ANKFN1: variants seen among roughly 807,000 people sequenced by gnomAD.
ANKFN1 encodes ankyrin repeat and fibronectin type III domain containing 1, also known as ankyrin repeat and fibronectin type-III domain-containing protein 1.
A neutral mutation model predicts 108.7 loss-of-function variants in ANKFN1; 74 were observed. The ratio of observed to expected loss-of-function variants is 0.68; its 90% CI spans 0.56 to 0.83. The LOEUF (loss-of-function observed/expected upper bound fraction) is 0.83. Ranked by LOEUF, ANKFN1 falls within the 40% of genes least tolerant of loss-of-function variation. The pLI, the probability that ANKFN1 is intolerant of heterozygous loss-of-function variation, is 0.00. For missense variants in ANKFN1, 1,505 were observed against 1,382.3 expected (o/e 1.09, Z -1.41); for synonymous variants, 547 against 516.2 (o/e 1.06, Z -0.81).
Position 56,353,823 on chromosome 17 carries a change from T to C in ANKFN1, c.391-13T>C. The C allele has an allele frequency of 6.2e-7, 1 of 1,613,440 alleles. No individual in the cohort carries two copies. The highest frequency in any genetic ancestry group is 8.5e-7 in the Non-Finnish European group (1 of 1,179,562). ...TTAAGAAATTGTGCTGATCTACTTTTGCTCCTCTCTAGAATTTCCAGGGCA... is the reference window on the plus strand; with the variant it reads ...TTAAGAAATTGTGCTGATCTACTTTCGCTCCTCTCTAGAATTTCCAGGGCA... On this transcript the variant is annotated splice_polypyrimidine_tract_variant and intron_variant, in intron 5 of 20. Coordinates refer to ENST00000682825, the MANE Select transcript of ANKFN1 (RefSeq NM_001370326.1).
intron 6 of ANKFN1, among the ~76,000 whole-genome samples, chr17:56,368,863 T>C (rs2046735477): frequency 6.6e-6 from 1 of 152,216 alleles, no homozygotes; most frequent in Non-Finnish European, 1.5e-5. Flanking sequence ...ATAAGAATTT[T>C]TTCCTTTTGT....
chr17:56,081,502 G>A (rs897262582), intron 4 of ANKFN1, among the ~76,000 whole-genome samples: 7 of 151,894 alleles, frequency 4.6e-5, no homozygotes, highest in African/African-American at 1.7e-4. Flanking sequence ...ACAGGCACCC[G>A]CCACCACGCC....
intron 3 of ANKFN1, among the ~76,000 whole-genome samples, chr17:56,263,393 T>G (rs1048023722): frequency 3.9e-5 from 6 of 152,228 alleles, no homozygotes; most frequent in Non-Finnish European, 7.3e-5. Flanking sequence ...GTTTAATGTA[T>G]GTACAATATA....
At chr17:56,369,125 A>G (rs1277547871) in intron 6 of ANKFN1, among the ~76,000 whole-genome samples, 2 of 152,190 alleles carry the variant, frequency 1.3e-5, no homozygotes, top group African/African-American at 4.8e-5. Flanking sequence ...AGCATGCTAC[A>G]GTTATTAATC....
At chr17:56,148,121 T>G (rs1235377632) in intron 4 of ANKFN1, among the ~76,000 whole-genome samples, 1 of 152,234 alleles carries the variant, frequency 6.6e-6, no homozygotes, top group Non-Finnish European at 1.5e-5. Flanking sequence ...TTTTTTCTTG[T>G]AGCTCTAAGA....
chr17:56,432,311 G>A (rs991228401), intron 8 of ANKFN1, among the ~76,000 whole-genome samples: 1 of 152,094 alleles, frequency 6.6e-6, no homozygotes, highest in South Asian at 2.1e-4. Flanking sequence ...AAGTAGAAGA[G>A]TTTGTCTGAG....
chr17:56,091,459 C>G (rs1004669688), intron 4 of ANKFN1, among the ~76,000 whole-genome samples: 1 of 147,798 alleles, frequency 6.8e-6, no homozygotes, highest in African/African-American at 2.5e-5. Context: ...CACACACACA[C>G]ACAGAGTTCA....
upstream of ANKFN1, chr17:56,153,380 C>A: frequency 2.6e-6 from 3 of 1,155,086 alleles, no homozygotes; most frequent in Non-Finnish European, 3.9e-6. Context: ...GTGGGAGAGG[C>A]AGCCATGCTC....
At chr17:56,370,105 C>T (rs377376677) in intron 6 of ANKFN1, among the ~76,000 whole-genome samples, 2 of 152,094 alleles carry the variant, frequency 1.3e-5, no homozygotes, top group African/African-American at 4.8e-5. Flanking sequence ...CTTCACCCAC[C>T]GTCACCACTA....
intron 7 of ANKFN1, among the ~76,000 whole-genome samples, chr17:56,373,925 CT>C (rs1240137030): frequency 6.6e-6 from 1 of 152,264 alleles, no homozygotes; most frequent in East Asian, 1.9e-4. Context: ...TTAAGCAATA[CT>C]AAAAGCCATC....
intron 4 of ANKFN1, among the ~76,000 whole-genome samples, chr17:56,328,286 G>A (rs1402819143): frequency 1.3e-5 from 2 of 152,130 alleles, no homozygotes; most frequent in African/African-American, 4.8e-5. Flanking sequence ...GGAATTAGCA[G>A]CTGCAAATGT....
intron 8 of ANKFN1, among the ~76,000 whole-genome samples, chr17:56,428,710 G>A (rs919190503): frequency 9.9e-5 from 15 of 152,004 alleles, no homozygotes; most frequent in East Asian, 1.9e-4. Flanking sequence ...TGATCCACCC[G>A]CCTCAGCCTC....
chr17:56,402,765 T>C (rs998112809), intron 8 of ANKFN1, among the ~76,000 whole-genome samples: 2 of 152,142 alleles, frequency 1.3e-5, no homozygotes, highest in African/African-American at 4.8e-5. Flanking sequence ...GGTTTGTTCT[T>C]GTTTCTCTAG....
intron 8 of ANKFN1, among the ~76,000 whole-genome samples, chr17:56,389,317 C>T (rs1389530333): frequency 3.9e-5 from 6 of 152,186 alleles, no homozygotes; most frequent in African/African-American, 1.4e-4. Flanking sequence ...AGTCTAAATG[C>T]TGCACAATTC....
At chr17:56,383,717 C>G (rs2047173859) in intron 8 of ANKFN1, among the ~76,000 whole-genome samples, 1 of 152,180 alleles carries the variant, frequency 6.6e-6, no homozygotes, top group African/African-American at 2.4e-5. Context: ...TGCAAATAAA[C>G]TAGAAAATCC....
In ANKFN1 at chr17:56,480,666, A is replaced by G. The variant is rs2050662049; in HGVS notation, c.1941-2A>G. The G allele has an allele frequency of 6.2e-7, 1 of 1,613,652 alleles. No individual in the cohort carries two copies. The highest frequency in any genetic ancestry group is 8.5e-7 in the Non-Finnish European group (1 of 1,179,738). Reference sequence around the variant, plus strand: ...CTAATTTTAACTTGACTCAACATACAGAGAGGAATGGGAATGGATCCAAAA... The same window carrying G: ...CTAATTTTAACTTGACTCAACATACGGAGAGGAATGGGAATGGATCCAAAA... On this transcript the variant is annotated splice_acceptor_variant, in intron 16 of 20. Transcript: ENST00000682825. LOFTEE classifies it high-confidence loss of function.
chr17:56,215,683 A>G (rs752272558), intron 2 of ANKFN1: 1 of 152,256 alleles, frequency 6.6e-6, no homozygotes, highest in Non-Finnish European at 1.5e-5. Flanking sequence ...ATGGGCTTGC[A>G]CTCAGTGAAG....
chr17:56,172,588 G>A (rs559585554), intron 1 of ANKFN1, among the ~76,000 whole-genome samples: 1 of 152,140 alleles, frequency 6.6e-6, no homozygotes, highest in Non-Finnish European at 1.5e-5. Flanking sequence ...TTGGTCCCAA[G>A]AGCAGGACAT....
At chr17:56,483,621 G>C (rs954134278) in intron 18 of ANKFN1, among the ~76,000 whole-genome samples, 9 of 152,220 alleles carry the variant, frequency 5.9e-5, no homozygotes, top group African/African-American at 2.2e-4. Context: ...GGACTTGAGA[G>C]TCCTGGATTC....
Sources: gnomAD v4.1 joint callset for allele counts (sites outside exome capture counted in the v4.1 genomes callset) on GRCh38, gnomAD v4.1.1 for gene constraint, MANE v1.5 for transcripts, NCBI Gene and HGNC (gene_info 2026-07-23, HGNC 2026-07-21) for gene names.